The following ZNF254 variants were observed in gnomAD, a reference collection of about 807,000 sequenced individuals.
ZNF254 encodes zinc finger protein 254.
In ZNF254, 10 loss-of-function variants were observed where a neutral mutation model predicts 12.4. The ratio of observed to expected loss-of-function variants is 0.80; its 90% CI spans 0.50 to 1.36. The LOEUF is 1.36. Ranked by LOEUF, ZNF254 falls within the 40% of genes most tolerant of loss-of-function variation. The probability of loss-of-function intolerance (pLI) is 0.00; values close to 1 mark genes in which losing one functional copy is unlikely to be tolerated. For missense variants in ZNF254, 996 were observed against 763.9 expected, an observed-to-expected ratio of 1.30 and a Z score of -3.58; for synonymous variants, 305 against 253.4, an observed-to-expected ratio of 1.20 and a Z score of -1.93.
chr19:24,086,397 C>G (rs1442076689), upstream of ZNF254, among the ~76,000 whole-genome samples: 2 of 152,024 alleles, frequency 1.3e-5, no homozygotes, highest in Non-Finnish European at 2.9e-5. Context: ...CCTCAGCCCC[C>G]CGGGTTCAAG....
chr19:24,078,303 GC>G (rs1971731837), intron 2 of ZNF254, among the ~76,000 whole-genome samples: 1 of 152,202 alleles, frequency 6.6e-6, no homozygotes, highest in Admixed American at 6.5e-5. Flanking sequence ...CTCCCAAAGT[GC>G]TGGGATTAGG....
chr19:24,084,007 G>A (rs1599666744), upstream of ZNF254, among the ~76,000 whole-genome samples: 1 of 151,688 alleles, frequency 6.6e-6, no homozygotes, highest in Non-Finnish European at 1.5e-5. Context: ...TGAAAAATAA[G>A]TCATTATATG....
intron 2 of ZNF254, among the ~76,000 whole-genome samples, chr19:24,070,138 C>T (rs1280471572): frequency 6.6e-6 from 1 of 152,130 alleles, no homozygotes; most frequent in Non-Finnish European, 1.5e-5. Flanking sequence ...TGAGGACTCT[C>T]CTATATTGAT....
intron 1 of ZNF254, among the ~76,000 whole-genome samples, chr19:24,038,757 G>T (rs557440921): frequency 2.0e-5 from 3 of 152,122 alleles, no homozygotes; most frequent in Admixed American, 2.0e-4. Context: ...TCGTATTTGG[G>T]ATCTGCAATC....
At chr19:24,067,568 C>T (rs1364731173) in intron 2 of ZNF254, among the ~76,000 whole-genome samples, 1 of 151,976 alleles carries the variant, frequency 6.6e-6, no homozygotes, top group Non-Finnish European at 1.5e-5. Flanking sequence ...CTTCCTGAGC[C>T]CTATGAAAAG....
In ZNF254 at chr19:24,076,165, T is replaced by TTAAAG. The variant is rs747269127; in HGVS notation, c.-93-29774_-93-29770dup. Among the ~76,000 whole-genome samples, 142 of 152,294 alleles carry TTAAAG rather than the reference T, an allele frequency of 9.3e-4. 1 individual carries two copies. Among genetic ancestry groups the TTAAAG allele is most frequent in the African/African-American group, 3.3e-3 (138 of 41,568 alleles). On this transcript the variant is annotated intron_variant, in intron 2 of 4. Transcript: ENST00000613065. ...TTATGAAGATGACAGGATTAAGAGA[T>TTAAAG]TAAAGACAGGCATAGGAAATTATAA...
chr19:24,109,851 A>G (rs886423535), intron 3 of ZNF254, among the ~76,000 whole-genome samples: 1 of 149,606 alleles, frequency 6.7e-6, no homozygotes, highest in Non-Finnish European at 1.5e-5. Context: ...CCTCCTGAGT[A>G]GCTGGGATTA....
At chr19:24,040,658 T>C (rs1042883281) in intron 1 of ZNF254, among the ~76,000 whole-genome samples, 1 of 152,010 alleles carries the variant, frequency 6.6e-6, no homozygotes, top group East Asian at 1.9e-4. Context: ...ACAATGCGAG[T>C]TTCCCAGCAC....
intron 3 of ZNF254, among the ~76,000 whole-genome samples, chr19:24,122,277 T>A (rs905488494): frequency 1.3e-5 from 2 of 152,124 alleles, no homozygotes; most frequent in Non-Finnish European, 2.9e-5. Context: ...CAGGCTGAAG[T>A]GCAGTGGCAC....
chr19:24,056,783 T>G (rs1193380851), intron 2 of ZNF254, among the ~76,000 whole-genome samples: 3 of 152,220 alleles, frequency 2.0e-5, no homozygotes, highest in Non-Finnish European at 4.4e-5. Flanking sequence ...TCCCAGGTGA[T>G]GTGACTGTAC....
chr19:24,036,464 G>A lies in ZNF254; in HGVS notation c.-190+2843G>A, dbSNP rs544440077. ...GGAACTGGCTCAGAAGTATAGATGA[G>A]ACCCTAGGAATTGTGACTGGGATCT... On this transcript the variant is annotated intron_variant, in intron 1 of 4. Transcript: ENST00000613065. 1.2e-3 allele frequency among the ~76,000 whole-genome samples: 176 copies of A among 152,248 alleles called. 1 individual carries two copies. Among genetic ancestry groups the A allele is most frequent in the African/African-American group, 4.1e-3 (170 of 41,536 alleles).
intron 1 of ZNF254, among the ~76,000 whole-genome samples, chr19:24,034,484 G>C (rs1170808514): frequency 7.5e-6 from 1 of 133,984 alleles, no homozygotes; most frequent in Non-Finnish European, 1.6e-5. Flanking sequence ...ATTTAGGTAA[G>C]TGGGTTTTTT....
Position 24,127,811 on chromosome 19 carries a change from G to C in ZNF254, c.1811G>C (p.Cys604Ser). 1 of 1,612,980 alleles carries C rather than the reference G, an allele frequency of 6.2e-7. No homozygotes were observed. Residue 604 changes from cysteine (C) to serine (S), a missense_variant, in exon 4 of 4, where the codon TGT becomes TCT. Cys to Ser is a moderately radical substitution (Grantham distance 112). Coordinates refer to ENST00000357002, the MANE Select transcript of ZNF254 (RefSeq NM_203282.4). ...CATACTGGAGTAAAACCCTACAAAT[G>C]TGAAGAATGTGGCAAAGCATTTTTC... ...VIHTGVKPYK[C>S]EECGKAFFWS...
chr19:24,094,857 TTA>T (rs1972583285), intron 1 of ZNF254, among the ~76,000 whole-genome samples: 2 of 152,092 alleles, frequency 1.3e-5, no homozygotes, highest in African/African-American at 4.8e-5. Flanking sequence ...TGGCTAATTT[TTA>T]TATTTTTAGT....
intron 1 of ZNF254, 52 bp downstream of exon 1, chr19:24,087,389 T>G: frequency 6.2e-7 from 1 of 1,611,656 alleles, no homozygotes; most frequent in Non-Finnish European, 8.5e-7. Context: ...TGGTTGGAAC[T>G]GGTGGGAAGC....
chr19:24,047,730 C>T (rs1007193272), intron 2 of ZNF254, among the ~76,000 whole-genome samples: 4 of 149,924 alleles, frequency 2.7e-5, no homozygotes, highest in African/African-American at 9.8e-5. Context: ...TCTTGTTGCC[C>T]AGCCTGGAGT....
At chr19:24,063,049 C>T (rs552992215) in intron 2 of ZNF254, among the ~76,000 whole-genome samples, 1 of 152,280 alleles carries the variant, frequency 6.6e-6, no homozygotes, top group Non-Finnish European at 1.5e-5. Flanking sequence ...GATCCACTTA[C>T]CTCAGCCTCC....
chr19:24,097,656 C>T (rs145508331), intron 1 of ZNF254, among the ~76,000 whole-genome samples: 3 of 151,926 alleles, frequency 2.0e-5, no homozygotes, highest in Non-Finnish European at 4.4e-5. Flanking sequence ...TGGTGCATGC[C>T]TGTAATCCCA....
At position 24,126,383 on chromosome 19, in the gene ZNF254, G is replaced by A. The variant is rs759968250; in HGVS notation, c.383G>A (p.Ser128Asn). 27 of 1,610,606 alleles carry A rather than the reference G, an allele frequency of 1.7e-5. No individual in the cohort carries two copies. The highest frequency in any genetic ancestry group is 2.3e-5 in the Non-Finnish European group (27 of 1,178,816). The change falls in exon 4 of 4, where the codon AGT becomes AAT. Residue 128 changes from serine to asparagine, a missense_variant. Physicochemically the swap from Ser to Asn is conservative, Grantham distance 46 (BLOSUM62 1). Transcript: ENST00000357002. ...TTACAGTTAAGAAAAGGCTGTAAAA[G>A]TGTGGATGAGTATAAGGTGAACAAA... The part of the protein sequence containing the change: ...ENLQLRKGCK[S>N]VDEYKVNKEG...
Sources: allele counts gnomAD v4.1 joint callset (sites outside exome capture counted in the v4.1 genomes callset), GRCh38; gene constraint gnomAD v4.1.1; transcripts MANE v1.5; gene names NCBI Gene and HGNC (gene_info 2026-07-23, HGNC 2026-07-21).